MAGI2: variants seen among roughly 807,000 people sequenced by gnomAD.
MAGI2 encodes membrane-associated guanylate kinase, WW and PDZ domain-containing protein 2.
A neutral mutation model predicts 133.3 loss-of-function variants in MAGI2; 35 were observed. The ratio of observed to expected loss-of-function variants is 0.26; its 90% CI spans 0.20 to 0.35. The LOEUF is 0.35. MAGI2 is among the 10% of genes least tolerant of loss of function. MAGI2 has a pLI of 1.00. For synonymous variants in MAGI2, 729 were observed against 710.6 expected, an observed-to-expected ratio of 1.03 and a Z score of -0.41; for missense variants, 1,636 against 1,863.4, an observed-to-expected ratio of 0.88 and a Z score of 2.25.
At position 78,135,112 on chromosome 7, in the gene MAGI2, G is replaced by A. The variant is rs2150537409; in HGVS notation, c.2940C>T (p.Gly980=). Reference sequence around the variant, plus strand: ...CGTGAGGCATGTTGATGATAGACTGGCCATTCACTGCTAGGATCCGGTCTC... The same window carrying A: ...CGTGAGGCATGTTGATGATAGACTGACCATTCACTGCTAGGATCCGGTCTC... ...KVGDRILAVN[G]QSIINMPHAD... The change falls in exon 17 of 22, where the codon GGC becomes GGT. Residue 980 remains glycine, a synonymous_variant. Coordinates refer to ENST00000354212, the MANE Select transcript of MAGI2 (RefSeq NM_012301.4). 6.2e-7 allele frequency: 1 copy of A among 1,614,058 alleles called. No homozygotes were observed. The highest frequency in any genetic ancestry group is 8.5e-7 in the Non-Finnish European group (1 of 1,179,952).
chr7:79,436,169 G>A (rs1006902220), intron 1 of MAGI2, among the ~76,000 whole-genome samples: 1 of 148,726 alleles, frequency 6.7e-6, no homozygotes. Context: ...AGGTTTCAGT[G>A]AGCCGAGATC....
chr7:78,913,008 T>C (rs1798533756), intron 2 of MAGI2, among the ~76,000 whole-genome samples: 1 of 151,822 alleles, frequency 6.6e-6, no homozygotes, highest in Non-Finnish European at 1.5e-5. Context: ...AGAAAGCATC[T>C]GAAGCAGAGG....
At chr7:78,043,533 C>T (rs938095891) in intron 21 of MAGI2, among the ~76,000 whole-genome samples, 18 of 152,224 alleles carry the variant, frequency 1.2e-4, no homozygotes, top group African/African-American at 4.1e-4. Context: ...TTTATATCCA[C>T]TTGAAATAAC....
At chr7:78,581,002 T>C (rs2150809276) in intron 3 of MAGI2, among the ~76,000 whole-genome samples, 1 of 152,344 alleles carries the variant, frequency 6.6e-6, no homozygotes, top group Middle Eastern at 3.4e-3. Context: ...AGTTCTCATT[T>C]ATAGTCTTTT....
chr7:78,662,876 AT>A (rs1813126702), intron 2 of MAGI2, among the ~76,000 whole-genome samples: 1 of 152,214 alleles, frequency 6.6e-6, no homozygotes. Context: ...AAATGCTGAC[AT>A]TTACTGAGTA....
chr7:79,442,228 T>A (rs1268535495), intron 1 of MAGI2, among the ~76,000 whole-genome samples: 3 of 152,198 alleles, frequency 2.0e-5, no homozygotes, highest in African/African-American at 7.2e-5. Flanking sequence ...CTTTATTTCA[T>A]TATGTCTTCA....
chr7:79,024,827 G>A (rs1361493030), intron 1 of MAGI2, among the ~76,000 whole-genome samples: 1 of 127,084 alleles, frequency 7.9e-6, no homozygotes, highest in African/African-American at 2.8e-5. Context: ...AGTCAGAATG[G>A]CTGTTATTAA....
intron 2 of MAGI2, among the ~76,000 whole-genome samples, chr7:79,002,121 T>G (rs1562772593): frequency 7.6e-6 from 1 of 131,354 alleles, no homozygotes; most frequent in Non-Finnish European, 1.6e-5. Flanking sequence ...ACAGGCTTCT[T>G]CTTCTTCTTC....
At chr7:78,376,033 T>C (rs1021906285) in intron 6 of MAGI2, among the ~76,000 whole-genome samples, 1 of 110,694 alleles carries the variant, frequency 9.0e-6, no homozygotes, top group African/African-American at 3.5e-5. Context: ...TAAAAGTAAA[T>C]CCTGAATATA....
chr7:78,927,899 A>G (rs1328148641), intron 2 of MAGI2, among the ~76,000 whole-genome samples: 1 of 151,940 alleles, frequency 6.6e-6, no homozygotes, highest in Non-Finnish European at 1.5e-5. Context: ...ATGACTATGA[A>G]CTATAGCCCC....
At chr7:78,710,917 AAAC>A (rs1343826500) in intron 2 of MAGI2, among the ~76,000 whole-genome samples, 1 of 152,192 alleles carries the variant, frequency 6.6e-6, no homozygotes, top group African/African-American at 2.4e-5. Context: ...GAAAATACTT[AAAC>A]AACTTTAAAA....
At chr7:78,118,668 T>C (rs1333501646) in intron 20 of MAGI2, among the ~76,000 whole-genome samples, 1 of 152,182 alleles carries the variant, frequency 6.6e-6, no homozygotes, top group Non-Finnish European at 1.5e-5. Context: ...TGCATGCCTA[T>C]CAGAATGGCC....
At chr7:78,737,880 A>C (rs6953461) in intron 2 of MAGI2, among the ~76,000 whole-genome samples, 15,118 of 152,158 alleles carry the variant, frequency 0.099, 996 homozygotes, top group Middle Eastern at 0.16. Context: ...TTAATAGTGC[A>C]CCTGAAACCA....
chr7:79,425,597 T>G (rs972201682), intron 1 of MAGI2, among the ~76,000 whole-genome samples: 14 of 57,978 alleles, frequency 2.4e-4, no homozygotes, highest in Non-Finnish European at 3.4e-4. Flanking sequence ...TATATATATA[T>G]ATGTATATAT....
intron 2 of MAGI2, among the ~76,000 whole-genome samples, chr7:78,760,207 A>AT (rs937907768): frequency 6.6e-6 from 1 of 152,090 alleles, no homozygotes; most frequent in Non-Finnish European, 1.5e-5. Flanking sequence ...TATAACCTGT[A>AT]TTTTTTTCAT....
At chr7:78,414,487 T>A (rs963780108) in intron 6 of MAGI2, among the ~76,000 whole-genome samples, 1 of 152,044 alleles carries the variant, frequency 6.6e-6, no homozygotes, top group Admixed American at 6.6e-5. Flanking sequence ...ACTTTATTTT[T>A]AAATTTCATA....
rs1442788333 is a variant in MAGI2 at position 79,301,783 on chromosome 7, A to G, written c.301+151237T>C. On this transcript the variant is annotated intron_variant, in intron 1 of 21. Transcript: ENST00000354212. ...CTGTTCAAATCTCATGTTGAATTGT[A>G]ATCCCCAGTGCTGGAATAGGGCCTG... Among the ~76,000 whole-genome samples, 5 of 152,348 alleles carry G rather than the reference A, an allele frequency of 3.3e-5. No individual in the cohort carries two copies. In the South Asian group the frequency reaches 8.3e-4, roughly 25 times the overall value.
At chr7:78,226,723 C>T (rs982085518) in intron 10 of MAGI2, among the ~76,000 whole-genome samples, 1 of 152,184 alleles carries the variant, frequency 6.6e-6, no homozygotes, top group African/African-American at 2.4e-5. Context: ...TTAAAATGCA[C>T]TGTGCGTGTG....
At chr7:78,387,302 A>G (rs1158954714) in intron 6 of MAGI2, among the ~76,000 whole-genome samples, 1 of 152,170 alleles carries the variant, frequency 6.6e-6, no homozygotes. Flanking sequence ...AAAAGATAAG[A>G]ACTGTTACAT....
Sources: gnomAD v4.1 joint callset for allele counts (sites outside exome capture counted in the v4.1 genomes callset) on GRCh38, gnomAD v4.1.1 for gene constraint, MANE v1.5 for transcripts, NCBI Gene and HGNC (gene_info 2026-07-23, HGNC 2026-07-21) for gene names.